The following RAPGEF4 variants were observed in gnomAD, a reference collection of about 807,000 sequenced individuals.
The protein encoded by RAPGEF4 is Rap guanine nucleotide exchange factor 4.
A neutral mutation model predicts 147.9 loss-of-function variants in RAPGEF4; 66 were observed. That is an observed-to-expected ratio of 0.45 (90% CI 0.37 to 0.55). The LOEUF is 0.55. RAPGEF4 is among the 20% of genes least tolerant of loss of function. RAPGEF4 has a pLI of 0.00. For missense variants in RAPGEF4, 1,071 were observed against 1,257.3 expected (o/e 0.85, Z 2.24); for synonymous variants, 419 against 442.7 (o/e 0.95, Z 0.67).
chr2:172,835,258 G>A (rs1237121698), intron 4 of RAPGEF4, among the ~76,000 whole-genome samples: 1 of 152,224 alleles, frequency 6.6e-6, no homozygotes, highest in Admixed American at 6.5e-5. Context: ...GTGTCTTAGA[G>A]GACAGATATG....
chr2:173,048,104 A>C (rs77778752), intron 29 of RAPGEF4: 4,795 of 153,004 alleles, frequency 0.031, 103 homozygotes, highest in Non-Finnish European at 0.048. Flanking sequence ...AAGATTAGAG[A>C]GGTCAGTAAT....
Position 172,795,097 on chromosome 2 carries a change from A to G in RAPGEF4, c.138A>G (p.Lys46=). ...TRLKEVKAFE[K]FHPNLLHQIC... is the part of the protein sequence containing the mutation. ...TGAAAGAAGTTAAAGCTTTTGAGAA[A>G]TTTCACCCAAATCTCCTTCATCAGA... The change falls in exon 2 of 31, where the codon AAA becomes AAG. Residue 46 remains lysine, a synonymous_variant. Transcript: ENST00000397081. 1 of 1,613,396 alleles carries G rather than the reference A, an allele frequency of 6.2e-7. No homozygotes were observed. Among genetic ancestry groups the G allele is most frequent in the Middle Eastern group, 1.6e-4 (1 of 6,062 alleles).
chr2:172,780,491 C>G (rs1684579857), intron 1 of RAPGEF4, among the ~76,000 whole-genome samples: 1 of 152,132 alleles, frequency 6.6e-6, no homozygotes, highest in African/African-American at 2.4e-5. Flanking sequence ...CAGTGATTAG[C>G]TTTTGTTCTT....
chr2:173,011,898 G>C (rs2105873603), intron 17 of RAPGEF4, among the ~76,000 whole-genome samples: 1 of 150,640 alleles, frequency 6.6e-6, no homozygotes, highest in Middle Eastern at 3.5e-3. Context: ...CTATCTTGGG[G>C]TTATTTTTCT....
At chr2:172,848,539 A>T (rs1237310517) in intron 4 of RAPGEF4, among the ~76,000 whole-genome samples, 1 of 152,204 alleles carries the variant, frequency 6.6e-6, no homozygotes, top group Admixed American at 6.5e-5. Context: ...TACCACTTTA[A>T]TGAAACACTG....
chr2:173,016,369 A>G lies in RAPGEF4; in HGVS notation c.1830A>G (p.Ser610=), dbSNP rs758322156. The G allele has an allele frequency of 1.5e-5, 24 of 1,613,366 alleles. No homozygotes were observed. Among genetic ancestry groups the G allele is most frequent in the Admixed American group, 6.7e-5 (4 of 60,000 alleles). Residue 610 remains serine (S), a synonymous_variant, in exon 19 of 31, where the codon TCA becomes TCG. Coordinates refer to ENST00000397081, the MANE Select transcript of RAPGEF4 (RefSeq NM_007023.4). ...AFLEEFYVSV[S]DDARMIAALK... is the part of the protein sequence containing the mutation. ...TACAGGAGTTTTATGTATCTGTATC[A>G]GATGATGCCCGGATGATTGCTGCCC...
chr2:173,043,324 G>A (rs1379347319), intron 29 of RAPGEF4, among the ~76,000 whole-genome samples: 1 of 152,200 alleles, frequency 6.6e-6, no homozygotes, highest in African/African-American at 2.4e-5. Flanking sequence ...ATCTTAAGGG[G>A]CAACAGAAGG....
chr2:172,954,954 C>G (rs1345151305), intron 6 of RAPGEF4, among the ~76,000 whole-genome samples: 1 of 152,196 alleles, frequency 6.6e-6, no homozygotes, highest in African/African-American at 2.4e-5. Context: ...GAGTCTCCTT[C>G]TTTAGCCTCG....
intron 6 of RAPGEF4, among the ~76,000 whole-genome samples, chr2:172,950,243 A>G (rs1338953733): frequency 3.9e-5 from 6 of 152,096 alleles, no homozygotes; most frequent in Non-Finnish European, 7.4e-5. Flanking sequence ...TGAGGGCGGT[A>G]GGGGAGGGGC....
chr2:172,910,973 GTA>G (rs1700038375), intron 4 of RAPGEF4, among the ~76,000 whole-genome samples: 1 of 152,188 alleles, frequency 6.6e-6, no homozygotes, highest in Non-Finnish European at 1.5e-5. Flanking sequence ...TCAGGAAAGC[GTA>G]TGGGGTGAGA....
chr2:172,993,097 T>C (rs1692990439), intron 15 of RAPGEF4, among the ~76,000 whole-genome samples: 1 of 152,202 alleles, frequency 6.6e-6, no homozygotes, highest in African/African-American at 2.4e-5. Context: ...ATTTTTCTGG[T>C]TCATTTTTTT....
At chr2:172,937,794 T>G (rs1040377472) in intron 6 of RAPGEF4, among the ~76,000 whole-genome samples, 1 of 47,002 alleles carries the variant, frequency 2.1e-5, no homozygotes, top group Non-Finnish European at 9.4e-5. Context: ...GATTGGTTTA[T>G]TCTGTCATTT....
intron 1 of RAPGEF4, among the ~76,000 whole-genome samples, chr2:172,757,318 T>C (rs1695871179): frequency 6.6e-6 from 1 of 152,256 alleles, no homozygotes. Context: ...ATTTTTCTTT[T>C]ATTTGATGAT....
At chr2:172,987,636 T>C (rs1692406882) in intron 12 of RAPGEF4, among the ~76,000 whole-genome samples, 1 of 152,228 alleles carries the variant, frequency 6.6e-6, no homozygotes, top group South Asian at 2.1e-4. Context: ...GTATTAGCTA[T>C]TATAAGTAAT....
intron 2 of RAPGEF4, among the ~76,000 whole-genome samples, chr2:172,796,533 C>T (rs1479495435): frequency 2.0e-5 from 3 of 152,100 alleles, no homozygotes; most frequent in African/African-American, 7.2e-5. Context: ...TGCAGTGAAC[C>T]GAGATTGCGC....
intron 1 of RAPGEF4, among the ~76,000 whole-genome samples, chr2:172,748,869 A>G (rs543661127): frequency 6.0e-4 from 91 of 152,362 alleles, no homozygotes; most frequent in African/African-American, 2.2e-3. Context: ...AAATACTGCC[A>G]TTCCGAATGG....
At chr2:172,847,119 G>A (rs72900250) in intron 4 of RAPGEF4, among the ~76,000 whole-genome samples, 358 of 152,250 alleles carry the variant, frequency 2.4e-3, no homozygotes, top group Non-Finnish European at 3.6e-3. Context: ...TGGTCTCTTC[G>A]TTTCTAGGGG....
At position 172,736,029 on chromosome 2, in the gene RAPGEF4, A is replaced by T; in HGVS notation, c.46A>T (p.Ile16Phe). The T allele has an allele frequency of 6.8e-7, 1 of 1,466,474 alleles. No individual in the cohort carries two copies. Among genetic ancestry groups the T allele is most frequent in the Non-Finnish European group, 9.0e-7 (1 of 1,109,310 alleles). 90.8% of individuals were successfully genotyped at this position (1,466,474 alleles called of 1,614,324 possible). ...AAHSSSSAEW[I>F]ACLDKRPLER... Reference sequence around the variant, plus strand: ...CCATTCTTCCTCCTCTGCCGAGTGGATCGCCTGCCTGGATAAAAGGTAGCT... The same window carrying T: ...CCATTCTTCCTCCTCTGCCGAGTGGTTCGCCTGCCTGGATAAAAGGTAGCT... Residue 16 changes from isoleucine (I) to phenylalanine (F), a missense_variant, in exon 1 of 31, where the codon ATC (isoleucine) becomes TTC (phenylalanine). Ile to Phe is a conservative substitution (Grantham distance 21). Coordinates refer to ENST00000397081, the MANE Select transcript of RAPGEF4 (RefSeq NM_007023.4).
At chr2:172,957,297 A>T (rs1336936809) in intron 6 of RAPGEF4, among the ~76,000 whole-genome samples, 2 of 152,260 alleles carry the variant, frequency 1.3e-5, no homozygotes, top group Non-Finnish European at 2.9e-5. Flanking sequence ...TTAAAATGAC[A>T]TTCTTTCTCT....
Sources: gnomAD v4.1 joint callset for allele counts (sites outside exome capture counted in the v4.1 genomes callset) on GRCh38, gnomAD v4.1.1 for gene constraint, MANE v1.5 for transcripts, NCBI Gene and HGNC (gene_info 2026-07-23, HGNC 2026-07-21) for gene names.